The following TRPV4 variants were observed in gnomAD, a reference collection of about 807,000 sequenced individuals.
The protein encoded by TRPV4 is OSM9-like transient receptor potential channel 4.
A neutral mutation model predicts 84.1 loss-of-function variants in TRPV4; 58 were observed. The ratio of observed to expected loss-of-function variants is 0.69; its 90% CI spans 0.56 to 0.86. TRPV4 has a LOEUF of 0.86. TRPV4 is among the 40% of genes least tolerant of loss of function. TRPV4 has a pLI of 0.00. For synonymous variants in TRPV4, 489 were observed against 500.9 expected (o/e 0.98, Z 0.32); for missense variants, 879 against 1,181.1 (o/e 0.74, Z 3.75).
chr12:109,811,109 TTCATGACCTTTAGCTTTGGGCTTAAA>T (rs1475207940), intron 2 of TRPV4, among the ~76,000 whole-genome samples: 10 of 152,262 alleles, frequency 6.6e-5, no homozygotes, highest in Non-Finnish European at 1.3e-4. Flanking sequence ...TGACTGCCCC[TTCATGACCTTTAGCTTTGGGCTTAAA>T]TGTCAACTCC....
At chr12:109,809,473 A>C (rs1245942045) in intron 2 of TRPV4, among the ~76,000 whole-genome samples, 9 of 121,768 alleles carry the variant, frequency 7.4e-5, no homozygotes, top group Non-Finnish European at 1.2e-4. Flanking sequence ...TCCATCCATC[A>C]CTCATCCATT....
At position 109,799,002 on chromosome 12, in the gene TRPV4, G is replaced by A. The variant is rs540436947; in HGVS notation, c.854-90C>T. 1.8e-5 allele frequency: 23 copies of A among 1,273,278 alleles called. No individual in the cohort carries two copies. In the South Asian group the frequency reaches 2.0e-4, roughly 11 times the overall value. 78.9% of individuals were successfully genotyped at this position (1,273,278 alleles called of 1,614,324 possible). On this transcript the variant is annotated intron_variant, in intron 5 of 15. Coordinates refer to ENST00000261740, the MANE Select transcript of TRPV4 (RefSeq NM_021625.5). ...ACACTCGGGGGACGGACACCGTGGC[G>A]CTCTGAGGATAATGACGGAGACAGC... is the stretch of plus-strand genomic sequence containing the variant.
intron 3 of TRPV4, among the ~76,000 whole-genome samples, chr12:109,807,469 C>T (rs1159739469): frequency 6.6e-6 from 1 of 151,330 alleles, no homozygotes; most frequent in Non-Finnish European, 1.5e-5. Context: ...CAGCCTGAGC[C>T]TCCCAGGCTC....
chr12:109,804,143 A>G (rs965263035), intron 3 of TRPV4, among the ~76,000 whole-genome samples: 12 of 151,622 alleles, frequency 7.9e-5, no homozygotes, highest in African/African-American at 2.7e-4. Flanking sequence ...CATGAAGTCA[A>G]CTCTCCGTTT....
In TRPV4 at chr12:109,823,224, C is replaced by T. The variant is rs115394849; in HGVS notation, c.-31-8397G>A. Among the ~76,000 whole-genome samples the T allele has an allele frequency of 9.3e-3, 1,412 of 152,332 alleles. 25 individuals are homozygous for T. Among genetic ancestry groups the T allele is most frequent in the African/African-American group, 0.032 (1,337 of 41,576 alleles). On this transcript the variant is annotated intron_variant, in intron 1 of 15. Transcript: ENST00000261740. ...TTACCTAGCAGGTCTCGGCCCAGCC[C>T]GCTTCCTGTTTGCTGCACAGTGGCC...
In TRPV4 at chr12:109,786,750, T is replaced by G. The variant is rs766169480; in HGVS notation, c.2296A>C (p.Lys766Gln). The change falls in exon 14 of 16, where the codon AAG becomes CAG. Residue 766 changes from lysine to glutamine, a missense_variant. Physicochemically the swap from Lys to Gln is moderately conservative, Grantham distance 53. This residue lies in a region of TRPV4 where 242 missense variants were observed against 355.3 expected (regional missense o/e 0.68). Transcript: ENST00000261740. This position sits in a 1 kb window ranked among gnomAD's most constrained non-coding sequence, Gnocchi z 4.5. ...CGGTCAGGAGTGCCGTCCGAGCTCTTGCCCACGGTGACCATCTCCCCAGAG... is the reference window on the plus strand; with the variant it reads ...CGGTCAGGAGTGCCGTCCGAGCTCTGGCCCACGGTGACCATCTCCCCAGAG... ...FRSGEMVTVG[K>Q]SSDGTPDRRW... The G allele has an allele frequency of 1.2e-6, 2 of 1,613,970 alleles. No homozygotes were observed. The highest frequency in any genetic ancestry group is 8.5e-7 in the Non-Finnish European group (1 of 1,180,018).
chr12:109,792,648 G>T lies in TRPV4; in HGVS notation c.1824+4C>A. The T allele has an allele frequency of 6.2e-7, 1 of 1,614,090 alleles. No homozygotes were observed. Reference sequence around the variant, plus strand: ...CGAGTCCAGAGGGTCCTCCCAGCCCGTACCTTCTGGATCATGATGCTATAG... The same window carrying T: ...CGAGTCCAGAGGGTCCTCCCAGCCCTTACCTTCTGGATCATGATGCTATAG... On this transcript the variant is annotated splice_donor_region_variant and intron_variant, in intron 11 of 15. Coordinates refer to ENST00000261740, the MANE Select transcript of TRPV4 (RefSeq NM_021625.5).
In TRPV4 at chr12:109,796,450, C is replaced by A; in HGVS notation, c.1332+75G>T. On this transcript the variant is annotated intron_variant, in intron 7 of 15. Transcript: ENST00000261740. This position sits in a 1 kb window ranked among gnomAD's most constrained non-coding sequence, Gnocchi z 4.2. ...GAGGCTGGGGCTGTCTCCCCCAGCC[C>A]AGCCCCAGGGCCCTGTCCCTACTCC... The A allele has an allele frequency of 6.4e-7, 1 of 1,573,620 alleles. No individual in the cohort carries two copies. The highest frequency in any genetic ancestry group is 8.7e-7 in the Non-Finnish European group (1 of 1,153,998).
At position 109,793,054 on chromosome 12, in the gene TRPV4, G is replaced by A. The variant is rs1025790876; in HGVS notation, c.1659-237C>T. 1.3e-5 allele frequency among the ~76,000 whole-genome samples: 2 copies of A among 152,208 alleles called. No homozygotes were observed. The highest frequency in any genetic ancestry group is 6.5e-5 in the Admixed American group (1 of 15,276). On this transcript the variant is annotated intron_variant, in intron 10 of 15. Coordinates refer to ENST00000261740, the MANE Select transcript of TRPV4 (RefSeq NM_021625.5). The surrounding 1 kb of genome is among the most constrained non-coding windows in gnomAD (Gnocchi z 4.0). ...CAGGATCCTGAAGTGATGCCCCTTGGAATTGCTAAAGAAAGATTTAGTGGT... is the reference window on the plus strand; with the variant it reads ...CAGGATCCTGAAGTGATGCCCCTTGAAATTGCTAAAGAAAGATTTAGTGGT...
intron 1 of TRPV4, among the ~76,000 whole-genome samples, chr12:109,816,087 C>T (rs1891830430): frequency 6.6e-6 from 1 of 152,266 alleles, no homozygotes; most frequent in South Asian, 2.1e-4. Flanking sequence ...TCTCACCCTT[C>T]CCACCCAATA....
At chr12:109,828,239 G>A (rs1048271218) in intron 1 of TRPV4, among the ~76,000 whole-genome samples, 1 of 152,196 alleles carries the variant, frequency 6.6e-6, no homozygotes, top group Admixed American at 6.5e-5. Context: ...CTTCCTGTGC[G>A]CCTGGTGTGG....
In TRPV4 at chr12:109,796,002, G is replaced by A. The variant is rs1005340137; in HGVS notation, c.1332+523C>T. Among the ~76,000 whole-genome samples the A allele has an allele frequency of 2.0e-5, 3 of 151,342 alleles. No individual in the cohort carries two copies. Among genetic ancestry groups the A allele is most frequent in the African/African-American group, 4.9e-5 (2 of 41,082 alleles). On this transcript the variant is annotated intron_variant, in intron 7 of 15. Transcript: ENST00000261740. The surrounding 1 kb of genome is among the most constrained non-coding windows in gnomAD (Gnocchi z 4.2). ...TCAAACTCCTGGCTTCAAGCAATCC[G>A]CCCACCTTGGCTCCCCAAAATGCTA...
chr12:109,788,260 A>G, intron 13 of TRPV4, 140 bp downstream of exon 13: 1 of 876,394 alleles, frequency 1.1e-6, no homozygotes. Context: ...TCTGATGCCC[A>G]TTTTACCGAC....
chr12:109,792,615 G>A, intron 11 of TRPV4, 37 bp downstream of exon 11: 1 of 1,613,556 alleles, frequency 6.2e-7, no homozygotes, highest in East Asian at 2.2e-5. Context: ...ACTCCCTCCA[G>A]GAACACACGA....
chr12:109,831,087 G>C (rs1409014214), intron 1 of TRPV4, among the ~76,000 whole-genome samples: 1 of 152,120 alleles, frequency 6.6e-6, no homozygotes. Context: ...CTGGGCCTCT[G>C]GGTCTGATTT....
chr12:109,814,689 C>T lies in TRPV4; in HGVS notation c.108G>A (p.Leu36=). 6.2e-7 allele frequency: 1 copy of T among 1,611,602 alleles called. No homozygotes were observed. Among genetic ancestry groups the T allele is most frequent in the East Asian group, 2.2e-5 (1 of 44,742 alleles). ...CATCCTCCCCCTCAAACAGATTGGC[C>T]AGGGAGGAGAGAGGAAAAGCCTCCC... is the stretch of plus-strand genomic sequence containing the variant. ...PGGEAFPLSS[L]ANLFEGEDGS... is the part of the protein sequence containing the mutation. The change falls in exon 2 of 16, where the codon CTG becomes CTA. Residue 36 remains leucine (L), a synonymous_variant. Coordinates refer to ENST00000261740, the MANE Select transcript of TRPV4 (RefSeq NM_021625.5). This position sits in a 1 kb window ranked among gnomAD's most constrained non-coding sequence, Gnocchi z 5.4.
chr12:109,800,473 TG>T, intron 5 of TRPV4, 144 bp downstream of exon 5: 1 of 1,010,048 alleles, frequency 9.9e-7, no homozygotes, highest in Non-Finnish European at 1.5e-6. Context: ...GTGCAGCCTG[TG>T]GTCCAGAGTG....
chr12:109,794,287 C>T (rs771739903), intron 8 of TRPV4, 42 bp downstream of exon 8: 1 of 1,606,778 alleles, frequency 6.2e-7, no homozygotes, highest in African/African-American at 1.3e-5. Context: ...ATGGCTCAGC[C>T]CAGTGCCTGC....
intron 6 of TRPV4, among the ~76,000 whole-genome samples, chr12:109,797,119 G>A (rs756636893): frequency 6.6e-6 from 1 of 152,158 alleles, no homozygotes; most frequent in Non-Finnish European, 1.5e-5. Flanking sequence ...ACAGAGAGGG[G>A]TGGGAATTGC....
Sources: allele counts gnomAD v4.1 joint callset (sites outside exome capture counted in the v4.1 genomes callset), GRCh38; gene constraint gnomAD v4.1.1; regional missense constraint gnomAD v4.1.1; non-coding constraint Gnocchi (gnomAD v3.1); transcripts MANE v1.5; gene names NCBI Gene and HGNC (gene_info 2026-07-23, HGNC 2026-07-21).